The following CUX1 variants were observed in gnomAD, a reference collection of about 807,000 sequenced individuals.
CUX1 encodes the protein cut like homeobox 1, also known as protein CASP.
CUX1 carries 31 observed loss-of-function variants against 158.8 expected under a neutral mutation model. The ratio of observed to expected loss-of-function variants is 0.20; its 90% CI spans 0.15 to 0.26. The LOEUF is 0.26. Among genes scored for constraint, CUX1 ranks in the 10% least tolerant of loss-of-function variants. The probability of loss-of-function intolerance (pLI) is 1.00; values close to 1 mark genes in which losing one functional copy is unlikely to be tolerated. For missense variants in CUX1, 1,589 were observed against 2,014.6 expected, an observed-to-expected ratio of 0.79 and a Z score of 4.04; for synonymous variants, 879 against 862.1, an observed-to-expected ratio of 1.02 and a Z score of -0.34.
rs1554512876 is a variant in CUX1 at position 102,178,633 on chromosome 7, G to A, written c.993G>A (p.Leu331=). The change falls in exon 11 of 24, where the codon CTG becomes CTA. Residue 331 remains leucine, a synonymous_variant. Coordinates refer to ENST00000292535, the MANE Select transcript of CUX1 (RefSeq NM_181552.4). ...AGATCTCACAGCTTGAGCAGCAGCTGAGCGCCAAAAACAGCACACTCAAAG... is the reference window on the plus strand; with the variant it reads ...AGATCTCACAGCTTGAGCAGCAGCTAAGCGCCAAAAACAGCACACTCAAAG... ...ASQISQLEQQ[L]SAKNSTLKQL... 7 of 1,610,418 alleles carry A rather than the reference G, an allele frequency of 4.3e-6. No homozygotes were observed. In the East Asian group the frequency reaches 1.3e-4, roughly 31 times the overall value.
intron 4 of CUX1, among the ~76,000 whole-genome samples, chr7:102,090,735 T>C (rs898696474): frequency 1.3e-5 from 2 of 151,750 alleles, no homozygotes; most frequent in Non-Finnish European, 2.9e-5. Context: ...GCATTTCTTA[T>C]ATTAATTAAC....
chr7:102,279,986 C>T (rs200526069), intron 18 of CUX1: 73 of 1,277,034 alleles, frequency 5.7e-5, no homozygotes, highest in African/African-American at 4.7e-4. Context: ...CTGCCCTTCC[C>T]GCTGGGCCCC....
At chr7:102,234,657 C>T (rs1363280813) in intron 22 of CUX1, among the ~76,000 whole-genome samples, 4 of 151,598 alleles carry the variant, frequency 2.6e-5, no homozygotes, top group East Asian at 1.9e-4. Flanking sequence ...CGGCGGCTCA[C>T]GCCTGTAATC....
At chr7:102,154,633 T>C (rs1036090976) in intron 8 of CUX1, among the ~76,000 whole-genome samples, 1 of 150,664 alleles carries the variant, frequency 6.6e-6, no homozygotes, top group Non-Finnish European at 1.5e-5. Flanking sequence ...AATAAATAAA[T>C]AGCTAAAGAC....
At chr7:101,826,285 A>G (rs1221542045) in intron 1 of CUX1, among the ~76,000 whole-genome samples, 2 of 149,828 alleles carry the variant, frequency 1.3e-5, no homozygotes, top group African/African-American at 4.9e-5. Context: ...TGAAGCCTTG[A>G]CCTCCCGGGC....
intron 8 of CUX1, among the ~76,000 whole-genome samples, chr7:102,132,421 T>A (rs1833394223): frequency 6.6e-6 from 1 of 152,060 alleles, no homozygotes; most frequent in South Asian, 2.1e-4. Context: ...TAGACATTTC[T>A]ACTATGAGCA....
intron 1 of CUX1, among the ~76,000 whole-genome samples, chr7:101,858,815 G>A (rs978948247): frequency 5.3e-5 from 8 of 152,036 alleles, no homozygotes; most frequent in Non-Finnish European, 8.8e-5. Flanking sequence ...ACACACACTC[G>A]CTACCATGCT....
In CUX1 at chr7:102,254,931, C is replaced by T; in HGVS notation, c.*5889C>T. ...TACCAGGGAAAAGGGGAAGCAGGTA[C>T]CCAATAAAGTTTAGAAAGATCCAGT... On this transcript the variant is annotated 3_prime_UTR_variant, in exon 24 of 24. Coordinates refer to ENST00000292535, the MANE Select transcript of CUX1 (RefSeq NM_181552.4). The T allele has an allele frequency of 1.0e-6, 1 of 985,432 alleles. No individual in the cohort carries two copies. 61.0% of individuals were successfully genotyped at this position (985,432 alleles called of 1,614,324 possible).
At chr7:101,852,392 C>G (rs1397926800) in intron 1 of CUX1, among the ~76,000 whole-genome samples, 2 of 151,754 alleles carry the variant, frequency 1.3e-5, no homozygotes. Flanking sequence ...CCAAGGTGGG[C>G]TGATTGCTTG....
chr7:101,954,274 C>T (rs1002068227), intron 2 of CUX1, among the ~76,000 whole-genome samples: 58 of 152,264 alleles, frequency 3.8e-4, no homozygotes, highest in Non-Finnish European at 7.4e-4. Context: ...GGGGATAGCC[C>T]AGGAGTTCAA....
chr7:102,151,463 A>C (rs1268505803), intron 8 of CUX1, among the ~76,000 whole-genome samples: 4 of 152,112 alleles, frequency 2.6e-5, no homozygotes. Flanking sequence ...TGAGGCAGGG[A>C]GAATCGCTTG....
At chr7:102,275,326 G>A (rs1308707725) in exon 17 of CUX1, 3 of 1,612,882 alleles carry the variant, frequency 1.9e-6, no homozygotes, top group Non-Finnish European at 2.5e-6. Flanking sequence ...GCCAGAGGGA[G>A]CGCTTCCGTG....
intron 5 of CUX1, among the ~76,000 whole-genome samples, chr7:102,103,675 T>A (rs1554487337): frequency 6.6e-6 from 1 of 152,044 alleles, no homozygotes; most frequent in African/African-American, 2.4e-5. Context: ...GCTCAAGGGA[T>A]CCTCTCACGT....
chr7:101,827,904 TG>T (rs1051713255), intron 1 of CUX1, among the ~76,000 whole-genome samples: 18 of 149,172 alleles, frequency 1.2e-4, no homozygotes, highest in African/African-American at 4.5e-4. Context: ...TGTTTCAAGG[TG>T]GTGGAGATGG....
chr7:102,032,833 G>T (rs983195894), intron 3 of CUX1, among the ~76,000 whole-genome samples: 1 of 152,126 alleles, frequency 6.6e-6, no homozygotes, highest in Admixed American at 6.6e-5. Flanking sequence ...CAAATTGATG[G>T]GTGGTGTGGG....
intron 3 of CUX1, among the ~76,000 whole-genome samples, chr7:102,055,228 C>A (rs1190147060): frequency 6.7e-6 from 1 of 150,040 alleles, no homozygotes; most frequent in African/African-American, 2.5e-5. Flanking sequence ...TTTTTACTTT[C>A]ACTTTCAGAT....
At chr7:102,181,925 C>T (rs1554514118) in intron 11 of CUX1, among the ~76,000 whole-genome samples, 2 of 152,196 alleles carry the variant, frequency 1.3e-5, no homozygotes, top group South Asian at 2.1e-4. Context: ...ATGAATAAGA[C>T]TTGGCAAATT....
chr7:101,884,908 C>G (rs1800072635), intron 1 of CUX1, among the ~76,000 whole-genome samples: 1 of 152,092 alleles, frequency 6.6e-6, no homozygotes, highest in Non-Finnish European at 1.5e-5. Flanking sequence ...TTTGGTGATG[C>G]TGTCACAGTG....
intron 3 of CUX1, among the ~76,000 whole-genome samples, chr7:102,037,239 C>A (rs186654756): frequency 6.6e-6 from 1 of 152,190 alleles, no homozygotes; most frequent in Non-Finnish European, 1.5e-5. Context: ...CCCTACCTTA[C>A]ACCGTGTGGA....
Sources: gnomAD v4.1 joint callset for allele counts (sites outside exome capture counted in the v4.1 genomes callset) on GRCh38, gnomAD v4.1.1 for gene constraint, MANE v1.5 for transcripts, NCBI Gene and HGNC (gene_info 2026-07-23, HGNC 2026-07-21) for gene names.